Variants in ZDHHC21 observed in about 807,000 individuals in gnomAD.
ZDHHC21 encodes zDHHC palmitoyltransferase 21.
ZDHHC21 carries 15 observed loss-of-function variants against 34.6 expected under a neutral mutation model. That is an observed-to-expected ratio of 0.43 (90% CI 0.29 to 0.67). ZDHHC21 has a LOEUF of 0.67. Among genes scored for constraint, ZDHHC21 ranks in the 30% least tolerant of loss-of-function variants. The pLI, the probability that ZDHHC21 is intolerant of heterozygous loss-of-function variation, is 0.14. For missense variants in ZDHHC21, 344 were observed against 327.7 expected, an observed-to-expected ratio of 1.05 and a Z score of -0.38; for synonymous variants, 142 against 101.8, an observed-to-expected ratio of 1.40 and a Z score of -2.38.
chr9:14,591,682 G>C, the ZDHHC21 span, among the ~76,000 whole-genome samples: 13 of 152,034 alleles, frequency 8.6e-5, no homozygotes, highest in African/African-American at 3.1e-4. Context: ...GTCTTTACTA[G>C]TAATCATCGT....
At chr9:14,649,610 G>A (rs1332093208) in intron 7 of ZDHHC21, among the ~76,000 whole-genome samples, 4 of 151,988 alleles carry the variant, frequency 2.6e-5, no homozygotes, top group Non-Finnish European at 5.9e-5. Context: ...ACATCCTAAT[G>A]GCAATTAATA....
At chr9:14,622,413 G>A in intron 8 of ZDHHC21, 1 of 362,876 alleles carries the variant, frequency 2.8e-6, no homozygotes, top group Non-Finnish European at 3.8e-6. Context: ...GGAATGGGGG[G>A]GCGGGGAAGT....
downstream of ZDHHC21, among the ~76,000 whole-genome samples, chr9:14,609,522 G>C (rs183419266): frequency 6.6e-6 from 1 of 152,196 alleles, no homozygotes; most frequent in Non-Finnish European, 1.5e-5. Context: ...ATGAAAATTA[G>C]AATTCTGAAA....
In ZDHHC21 at chr9:14,612,388, G is replaced by C. The variant is rs1823450884; in HGVS notation, c.*6578C>G. 6.6e-6 allele frequency: 1 copy of C among 151,922 alleles called. No homozygotes were observed. Among genetic ancestry groups the C allele is most frequent in the African/African-American group, 2.4e-5 (1 of 41,394 alleles). 9.4% of individuals were successfully genotyped at this position (151,922 alleles called of 1,614,324 possible). On this transcript the variant is annotated 3_prime_UTR_variant, in exon 10 of 10. Transcript: ENST00000380916. ...TTAACCATTTTAGCTGCAGTTGTAA[G>C]GACACTGAGTGTTTTGAGAATTTTA...
chr9:14,598,480 A>G, the ZDHHC21 span, among the ~76,000 whole-genome samples: 1 of 152,232 alleles, frequency 6.6e-6, no homozygotes, highest in East Asian at 1.9e-4. Flanking sequence ...CAATCCATAA[A>G]AAGGAAAAAG....
intron 8 of ZDHHC21, among the ~76,000 whole-genome samples, chr9:14,621,987 C>A (rs893628609): frequency 6.6e-5 from 10 of 152,194 alleles, no homozygotes; most frequent in African/African-American, 2.4e-4. Flanking sequence ...CTATTATCCT[C>A]AAGGAGTTTA....
At chr9:14,679,417 G>A (rs1033403691) in intron 3 of ZDHHC21, among the ~76,000 whole-genome samples, 3 of 152,070 alleles carry the variant, frequency 2.0e-5, no homozygotes, top group Non-Finnish European at 2.9e-5. Flanking sequence ...GCAACTTATA[G>A]AATAGTTTAT....
chr9:14,687,919 C>T (rs1315459705), intron 2 of ZDHHC21, among the ~76,000 whole-genome samples: 1 of 150,720 alleles, frequency 6.6e-6, no homozygotes, highest in Non-Finnish European at 1.5e-5. Flanking sequence ...TTATTAATTA[C>T]AGCCAAATGA....
Position 14,662,277 on chromosome 9 carries a change from C to T in ZDHHC21, c.303G>A (p.Lys101=), listed in dbSNP as rs1388552087. The change falls in exon 6 of 10, where the codon AAG becomes AAA. Residue 101 remains lysine (K), a synonymous_variant. Transcript: ENST00000380916. ...CGCAGCGGCTACAGTGATGGGAACGCTTTGGTCTCATCAAATTACACTTGT... is the reference window on the plus strand; with the variant it reads ...CGCAGCGGCTACAGTGATGGGAACGTTTTGGTCTCATCAAATTACACTTGT... ...LCNKCNLMRP[K]RSHHCSRCGH... is the part of the protein sequence containing the mutation. 6.2e-7 allele frequency: 1 copy of T among 1,612,976 alleles called. No individual in the cohort carries two copies. Among genetic ancestry groups the T allele is most frequent in the East Asian group, 2.2e-5 (1 of 44,820 alleles).
chr9:14,665,395 G>A (rs1203178544), intron 5 of ZDHHC21, among the ~76,000 whole-genome samples: 5 of 143,348 alleles, frequency 3.5e-5, no homozygotes, highest in Non-Finnish European at 7.6e-5. Flanking sequence ...AAGTGATGGG[G>A]AGAATGGAAC....
chr9:14,629,983 T>G (rs10961624), intron 8 of ZDHHC21, among the ~76,000 whole-genome samples: 1,718 of 151,934 alleles, frequency 0.011, 11 homozygotes, highest in Non-Finnish European at 0.018. Context: ...GAGACAGAGG[T>G]TGCAGTGAGC....
the ZDHHC21 span, among the ~76,000 whole-genome samples, chr9:14,597,851 C>A: frequency 6.6e-6 from 1 of 152,126 alleles, no homozygotes; most frequent in African/African-American, 2.4e-5. Context: ...CCCACCCAGC[C>A]TACCAACACC....
At chr9:14,663,083 T>C (rs866603213) in intron 5 of ZDHHC21, among the ~76,000 whole-genome samples, 2 of 152,172 alleles carry the variant, frequency 1.3e-5, no homozygotes, top group Admixed American at 6.5e-5. Context: ...AACACAAAGT[T>C]TGCATAAGAG....
At chr9:14,592,550 A>G in the ZDHHC21 span, among the ~76,000 whole-genome samples, 8 of 152,132 alleles carry the variant, frequency 5.3e-5, no homozygotes, top group Admixed American at 5.2e-4. Context: ...AAAAGAACAA[A>G]TAACAATTCA....
chr9:14,651,475 G>T (rs185538787), intron 7 of ZDHHC21, among the ~76,000 whole-genome samples: 66 of 151,916 alleles, frequency 4.3e-4, no homozygotes, highest in African/African-American at 1.5e-3. Flanking sequence ...ATTGGACAAG[G>T]TATTGAACTT....
the ZDHHC21 span, among the ~76,000 whole-genome samples, chr9:14,596,736 G>C: frequency 2.8e-4 from 42 of 152,158 alleles, no homozygotes; most frequent in Non-Finnish European, 4.9e-4. Context: ...AAAAATAACA[G>C]AGAACAAAAT....
At chr9:14,647,109 G>A (rs576092053) in intron 7 of ZDHHC21, among the ~76,000 whole-genome samples, 3 of 152,172 alleles carry the variant, frequency 2.0e-5, no homozygotes, top group East Asian at 3.9e-4. Flanking sequence ...GAAACACATA[G>A]GCAACATGTA....
At chr9:14,598,812 G>A in the ZDHHC21 span, among the ~76,000 whole-genome samples, 3 of 152,020 alleles carry the variant, frequency 2.0e-5, no homozygotes, top group South Asian at 6.2e-4. Flanking sequence ...GTGCAGTGTG[G>A]CACAATCATG....
downstream of ZDHHC21, among the ~76,000 whole-genome samples, chr9:14,607,900 C>T (rs1823067470): frequency 6.6e-6 from 1 of 152,098 alleles, no homozygotes; most frequent in South Asian, 2.1e-4. Context: ...AAAAAATGTA[C>T]ATGAAAAATC....
Sources: allele counts gnomAD v4.1 joint callset (sites outside exome capture counted in the v4.1 genomes callset), GRCh38; gene constraint gnomAD v4.1.1; transcripts MANE v1.5; gene names NCBI Gene and HGNC (gene_info 2026-07-23, HGNC 2026-07-21).